The following PRDM10 variants were observed in gnomAD, a reference collection of about 807,000 sequenced individuals.
The protein encoded by PRDM10 is PR domain zinc finger protein 10.
Under a neutral mutation model 133.1 loss-of-function variants are expected in PRDM10, and 65 were observed. That is an observed-to-expected ratio of 0.49 (90% CI 0.40 to 0.60). The LOEUF (loss-of-function observed/expected upper bound fraction) is 0.60. Ranked by LOEUF, PRDM10 falls within the 20% of genes least tolerant of loss-of-function variation. PRDM10 has a pLI of 0.00. For synonymous variants in PRDM10, 582 were observed against 580.4 expected, an observed-to-expected ratio of 1.00 and a Z score of -0.04; for missense variants, 1,137 against 1,507.1, an observed-to-expected ratio of 0.75 and a Z score of 4.07.
chr11:129,966,292 T>C (rs531080152), intron 1 of PRDM10, among the ~76,000 whole-genome samples: 9 of 152,276 alleles, frequency 5.9e-5, no homozygotes, highest in African/African-American at 2.2e-4. Context: ...CTGCCCTGCA[T>C]GGTTGCTGTA....
rs747242180 is a variant in PRDM10 at position 129,944,879 on chromosome 11, C to T, written c.654G>A (p.Leu218=). 6.2e-7 allele frequency: 1 copy of T among 1,614,172 alleles called. No homozygotes were observed. Among genetic ancestry groups the T allele is most frequent in the South Asian group, 1.1e-5 (1 of 91,082 alleles). The change falls in exon 6 of 21, where the codon CTG becomes CTA. Residue 218 remains leucine, a synonymous_variant. Transcript: ENST00000360871. Reference sequence around the variant, plus strand: ...TGCGCCGCTTGGAGAACACCCCGCCCAGAAACCTGTCTATGTAGAGCACCA... The same window carrying T: ...TGCGCCGCTTGGAGAACACCCCGCCTAGAAACCTGTCTATGTAGAGCACCA... ...LPLVLYIDRF[L]GGVFSKRRIP... is the part of the protein sequence containing the mutation.
At chr11:129,963,413 A>G (rs1175671142) in intron 1 of PRDM10, among the ~76,000 whole-genome samples, 2 of 146,754 alleles carry the variant, frequency 1.4e-5, no homozygotes, top group Admixed American at 6.9e-5. Flanking sequence ...AGAGAAGAGA[A>G]GAGAAGAGAA....
At chr11:129,954,262 A>T (rs1053539869) in intron 4 of PRDM10, among the ~76,000 whole-genome samples, 2 of 127,640 alleles carry the variant, frequency 1.6e-5, no homozygotes, top group Admixed American at 1.6e-4. Flanking sequence ...AATTTAATTT[A>T]TTTATTTTTT....
At chr11:129,926,649 C>A (rs753747452) in intron 11 of PRDM10, among the ~76,000 whole-genome samples, 5 of 152,116 alleles carry the variant, frequency 3.3e-5, no homozygotes, top group Non-Finnish European at 7.4e-5. Context: ...TCTAACCGGG[C>A]TAGGAGAAAG....
At chr11:129,991,431 C>T (rs1938738090) in intron 1 of PRDM10, among the ~76,000 whole-genome samples, 1 of 152,192 alleles carries the variant, frequency 6.6e-6, no homozygotes, top group Non-Finnish European at 1.5e-5. Flanking sequence ...CACCTGTAAT[C>T]CCCGCACTTT....
chr11:129,980,861 GTTTT>G (rs60735364), intron 1 of PRDM10, among the ~76,000 whole-genome samples: 162 of 102,122 alleles, frequency 1.6e-3, no homozygotes, highest in African/African-American at 5.6e-3. Flanking sequence ...GACATTTCTG[GTTTT>G]TTTTTTTTTT....
At chr11:130,002,042 GCAGA>G (rs1029076528) in intron 1 of PRDM10, among the ~76,000 whole-genome samples, 1 of 151,580 alleles carries the variant, frequency 6.6e-6, no homozygotes, top group African/African-American at 2.4e-5. Flanking sequence ...CGCGGCCTCC[GCAGA>G]CAAAGCTGGG....
chr11:129,982,936 G>C (rs1033014733), intron 1 of PRDM10, among the ~76,000 whole-genome samples: 1 of 151,290 alleles, frequency 6.6e-6, no homozygotes, highest in African/African-American at 2.4e-5. Flanking sequence ...ACTCCAGCCA[G>C]GGCAACAAGC....
In PRDM10 at chr11:129,975,745, G is replaced by A. The variant is rs568540526; in HGVS notation, c.-118-14663C>T. Among the ~76,000 whole-genome samples, 3 of 152,302 alleles carry A rather than the reference G, an allele frequency of 2.0e-5. No homozygotes were observed. The East Asian group carries it at 5.8e-4, about 29-fold the overall frequency. On this transcript the variant is annotated intron_variant, in intron 1 of 20. Transcript: ENST00000360871. ...CACTCTCTCCCAGCTCAGGTCAGCA[G>A]AGCTGGTCTCCAACCCACCGCCCTC...
At chr11:129,976,229 C>T (rs1311547421) in intron 1 of PRDM10, among the ~76,000 whole-genome samples, 4 of 152,116 alleles carry the variant, frequency 2.6e-5, no homozygotes, top group African/African-American at 9.7e-5. Flanking sequence ...GGATCTCTGA[C>T]CCGATTCACC....
At chr11:129,902,915 A>T (rs1949887622) in intron 20 of PRDM10, among the ~76,000 whole-genome samples, 1 of 152,194 alleles carries the variant, frequency 6.6e-6, no homozygotes, top group Admixed American at 6.5e-5. Context: ...AGTCTCCTTG[A>T]AGAGGCAGAA....
intron 1 of PRDM10, among the ~76,000 whole-genome samples, chr11:129,990,805 A>G (rs1938699348): frequency 6.6e-6 from 1 of 151,996 alleles, no homozygotes; most frequent in Non-Finnish European, 1.5e-5. Flanking sequence ...TTTCATTTTC[A>G]GTTTCTCATA....
At chr11:129,977,352 C>T (rs1435262846) in intron 1 of PRDM10, among the ~76,000 whole-genome samples, 14 of 152,150 alleles carry the variant, frequency 9.2e-5, no homozygotes, top group African/African-American at 2.9e-4. Flanking sequence ...GGCGCGATCT[C>T]GGCTCACTGC....
Position 129,947,502 on chromosome 11 carries a change from GGA to G in PRDM10, c.295-134_295-133del, listed in dbSNP as rs1951459214. ...TTCCTACCAACTCCTTCCAGGCCCT[GGA>G]AAAATGACTTCCATCTACCGGCTGT... On this transcript the variant is annotated intron_variant, in intron 4 of 20. Coordinates refer to ENST00000360871, the MANE Select transcript of PRDM10 (RefSeq NM_199437.2). The surrounding 1 kb of genome is among the most constrained non-coding windows in gnomAD (Gnocchi z 4.6). 3.9e-6 allele frequency: 6 copies of G among 1,524,320 alleles called. No individual in the cohort carries two copies. In the East Asian group the frequency reaches 1.4e-4, roughly 35 times the overall value. The allele number at this position is 1,524,320 out of a possible 1,614,324, so 94.4% of individuals were successfully genotyped here.
At position 129,965,755 on chromosome 11, in the gene PRDM10, A is replaced by ACAAATGTT. The variant is rs1951894733; in HGVS notation, c.-118-4674_-118-4673insAACATTTG. On this transcript the variant is annotated intron_variant, in intron 1 of 20. Coordinates refer to ENST00000360871, the MANE Select transcript of PRDM10 (RefSeq NM_199437.2). ...ATGTTTATCAAAAAAAAAAATATAT[A>ACAAATGTT]TATACAAAAAAAAAGATCCCTGGCT... is the stretch of plus-strand genomic sequence containing the variant. 3.3e-5 allele frequency among the ~76,000 whole-genome samples: 5 copies of ACAAATGTT among 151,900 alleles called. No homozygotes were observed. In the East Asian group the frequency reaches 9.6e-4, roughly 29 times the overall value.
intron 13 of PRDM10, among the ~76,000 whole-genome samples, chr11:129,921,314 G>A (rs1348765869): frequency 6.6e-6 from 1 of 152,208 alleles, no homozygotes; most frequent in Non-Finnish European, 1.5e-5. Context: ...AGTGACATTA[G>A]CCAGGTGAAG....
At chr11:129,996,222 C>T (rs977537215) in intron 1 of PRDM10, among the ~76,000 whole-genome samples, 1 of 152,146 alleles carries the variant, frequency 6.6e-6, no homozygotes, top group Non-Finnish European at 1.5e-5. Context: ...AGTACAAAAT[C>T]CTGCAGGACC....
chr11:129,926,724 A>G (rs1270010607), intron 11 of PRDM10, among the ~76,000 whole-genome samples: 1 of 152,206 alleles, frequency 6.6e-6, no homozygotes, highest in Non-Finnish European at 1.5e-5. Flanking sequence ...GATCTTCTTC[A>G]GCTGATGGGG....
rs995898287 is a variant in PRDM10, at chr11:129,961,090, AAC to A, written c.-118-10_-118-9del. The A allele has an allele frequency of 1.6e-6, 1 of 636,692 alleles. No individual in the cohort carries two copies. Among genetic ancestry groups the A allele is most frequent in the Non-Finnish European group, 2.6e-6 (1 of 386,140 alleles). The allele number at this position is 636,692 out of a possible 1,614,324, so 39.4% of individuals were successfully genotyped here. On this transcript the variant is annotated splice_polypyrimidine_tract_variant and intron_variant, in intron 1 of 20. Coordinates refer to ENST00000360871, the MANE Select transcript of PRDM10 (RefSeq NM_199437.2). ...GGTCTGTCTGCAGCATGCCTGAGAA[AAC>A]ACAGAAAAGGAACCAAGACTTTCAG...
Sources: gnomAD v4.1 joint callset for allele counts (sites outside exome capture counted in the v4.1 genomes callset) on GRCh38, gnomAD v4.1.1 for gene constraint, Gnocchi (gnomAD v3.1) non-coding constraint, MANE v1.5 for transcripts, NCBI Gene and HGNC (gene_info 2026-07-23, HGNC 2026-07-21) for gene names.